Variants in CACNA1C observed in about 807,000 individuals in gnomAD.
CACNA1C encodes voltage-dependent L-type calcium channel subunit alpha-1C.
Under a neutral mutation model 229.0 loss-of-function variants are expected in CACNA1C, and 30 were observed. The ratio of observed to expected loss-of-function variants is 0.13; its 90% CI spans 0.10 to 0.18. The LOEUF is 0.18. Among genes scored for constraint, CACNA1C ranks in the 10% least tolerant of loss-of-function variants. The pLI, the probability that CACNA1C is intolerant of heterozygous loss-of-function variation, is 1.00. For synonymous variants in CACNA1C, 1,114 were observed against 1,132.5 expected (o/e 0.98, Z 0.33); for missense variants, 1,658 against 2,845.0 (o/e 0.58, Z 9.49).
chr12:2,097,378 C>A (rs112201667), intron 1 of CACNA1C, among the ~76,000 whole-genome samples: 3 of 152,012 alleles, frequency 2.0e-5, no homozygotes, highest in Admixed American at 6.6e-5. Flanking sequence ...GATCTCCTGA[C>A]CTTGTGATCC....
intron 3 of CACNA1C, among the ~76,000 whole-genome samples, chr12:2,440,461 G>A (rs993400428): frequency 3.9e-5 from 6 of 152,164 alleles, no homozygotes; most frequent in Non-Finnish European, 7.4e-5. Context: ...GGAATGTGTA[G>A]GCACCACATT....
chr12:2,277,354 G>GAC (rs2088947130), intron 3 of CACNA1C, among the ~76,000 whole-genome samples: 26 of 87,170 alleles, frequency 3.0e-4, no homozygotes, highest in Admixed American at 1.3e-3. Context: ...CAGACAGACA[G>GAC]ACAGACAGAC....
chr12:2,074,631 C>T (rs1046215369), intron 1 of CACNA1C, among the ~76,000 whole-genome samples: 2 of 152,144 alleles, frequency 1.3e-5, no homozygotes, highest in African/African-American at 2.4e-5. Flanking sequence ...CTGCCAGTGC[C>T]GTGACTCAAA....
intron 4 of CACNA1C, among the ~76,000 whole-genome samples, chr12:2,455,275 C>T (rs746393295): frequency 2.0e-5 from 3 of 152,194 alleles, no homozygotes; most frequent in Non-Finnish European, 4.4e-5. Context: ...TCCCAAAAGA[C>T]TTGTCTATAC....
chr12:2,218,359 T>C (rs144298986), intron 3 of CACNA1C, among the ~76,000 whole-genome samples: 1 of 152,222 alleles, frequency 6.6e-6, no homozygotes, highest in African/African-American at 2.4e-5. Flanking sequence ...TTGACTTTTC[T>C]TCAGGAAGAA....
intron 13 of CACNA1C, among the ~76,000 whole-genome samples, chr12:2,569,555 T>C (rs985526063): frequency 1.1e-4 from 17 of 152,194 alleles, no homozygotes; most frequent in Admixed American, 7.2e-4. Context: ...TAATATGTGT[T>C]TTTGTGATGG....
chr12:2,341,278 T>A (rs1470646854), intron 3 of CACNA1C, among the ~76,000 whole-genome samples: 2 of 152,188 alleles, frequency 1.3e-5, no homozygotes, highest in African/African-American at 4.8e-5. Flanking sequence ...TGGGATAGCG[T>A]GAGGATTAGA....
chr12:1,985,991 T>G (rs2037593925), intron 1 of CACNA1C, among the ~76,000 whole-genome samples: 1 of 152,080 alleles, frequency 6.6e-6, no homozygotes, highest in African/African-American at 2.4e-5. Context: ...TGTTTTGTAT[T>G]TTTAGTAGAG....
At chr12:2,257,204 A>G (rs1279257842) in intron 3 of CACNA1C, among the ~76,000 whole-genome samples, 4 of 152,110 alleles carry the variant, frequency 2.6e-5, no homozygotes, top group African/African-American at 9.7e-5. Flanking sequence ...TATCACTTTC[A>G]CTGACATTTC....
rs145737294 is a variant in CACNA1C, at chr12:2,585,940, T to C, written c.2530+36T>C. Reference sequence around the variant, plus strand: ...CACTGCCTAACCTGGGATTGGGAGATTGGGGGCAGAGATCTAAATTCTAAA... The same window carrying C: ...CACTGCCTAACCTGGGATTGGGAGACTGGGGGCAGAGATCTAAATTCTAAA... On this transcript the variant is annotated intron_variant, in intron 18 of 46. Coordinates refer to ENST00000399655, the MANE Select transcript of CACNA1C (RefSeq NM_000719.7). The surrounding 1 kb of genome is among the most constrained non-coding windows in gnomAD (Gnocchi z 4.1). The C allele has an allele frequency of 7.9e-5, 107 of 1,360,930 alleles. 1 individual carries two copies. In the African/African-American group the frequency reaches 1.2e-3, roughly 15 times the overall value. 84.3% of individuals were successfully genotyped at this position (1,360,930 alleles called of 1,614,324 possible).
At chr12:2,066,092 A>C (rs2059162780) in intron 1 of CACNA1C, among the ~76,000 whole-genome samples, 2 of 152,064 alleles carry the variant, frequency 1.3e-5, no homozygotes, top group South Asian at 4.1e-4. Context: ...CTGCAGGTAG[A>C]GGGGCAGTTC....
intron 3 of CACNA1C, among the ~76,000 whole-genome samples, chr12:2,398,222 C>G (rs2098620415): frequency 6.6e-6 from 1 of 152,268 alleles, no homozygotes; most frequent in Non-Finnish European, 1.5e-5. Flanking sequence ...TAGCCCAGCT[C>G]TGAAGGCCTC....
At position 2,678,315 on chromosome 12, in the gene CACNA1C, C is replaced by CCTAG. The variant is rs2096927444; in HGVS notation, c.5091+449_5091+452dup. 6.6e-6 allele frequency among the ~76,000 whole-genome samples: 1 copy of CCTAG among 152,164 alleles called. No homozygotes were observed. The highest frequency in any genetic ancestry group is 6.6e-5 in the Admixed American group (1 of 15,266). The stretch of plus-strand genomic sequence containing the variant: ...CCCACAGGGCAGCAGAGGGCCGGAG[C>CCTAG]CTAGAGGCGGTGGCCCTTTGAGATG... On this transcript the variant is annotated intron_variant, in intron 41 of 46. Coordinates refer to ENST00000399655, the MANE Select transcript of CACNA1C (RefSeq NM_000719.7). This position sits in a 1 kb window ranked among gnomAD's most constrained non-coding sequence, Gnocchi z 4.1.
intron 29 of CACNA1C, among the ~76,000 whole-genome samples, chr12:2,626,871 A>T (rs2086958611): frequency 6.6e-6 from 1 of 152,164 alleles, no homozygotes; most frequent in African/African-American, 2.4e-5. Context: ...GGCCTCTAGT[A>T]AGTGCTTATT....
chr12:2,002,882 C>T (rs1226544241), intron 1 of CACNA1C, among the ~76,000 whole-genome samples: 6 of 151,956 alleles, frequency 3.9e-5, no homozygotes, highest in Non-Finnish European at 1.5e-5. Flanking sequence ...TATGTAAAAA[C>T]GAAGGTGACA....
intron 1 of CACNA1C, among the ~76,000 whole-genome samples, chr12:1,987,564 G>C (rs564533716): frequency 6.6e-6 from 1 of 151,986 alleles, no homozygotes; most frequent in South Asian, 2.1e-4. Context: ...TTACATCTAC[G>C]ACAGTTCTTT....
intron 3 of CACNA1C, among the ~76,000 whole-genome samples, chr12:2,415,610 C>T (rs1040512123): frequency 6.6e-6 from 1 of 152,176 alleles, no homozygotes; most frequent in Admixed American, 6.5e-5. Context: ...CTGCCGCTCT[C>T]CTCTGAGTTG....
At chr12:2,457,389 C>T (rs2099439466) in intron 4 of CACNA1C, among the ~76,000 whole-genome samples, 178 bp from the exon 5 acceptor site, 1 of 152,230 alleles carries the variant, frequency 6.6e-6, no homozygotes, top group Non-Finnish European at 1.5e-5. Flanking sequence ...CCACCACCCA[C>T]ACTGAGGGGA....
At chr12:2,581,279 G>A (rs984786021) in intron 13 of CACNA1C, among the ~76,000 whole-genome samples, 1 of 152,178 alleles carries the variant, frequency 6.6e-6, no homozygotes, top group African/African-American at 2.4e-5. Flanking sequence ...TTTTGATGGG[G>A]ATGCAGAAGG....
Sources: gnomAD v4.1 joint callset for allele counts (sites outside exome capture counted in the v4.1 genomes callset) on GRCh38, gnomAD v4.1.1 for gene constraint, Gnocchi (gnomAD v3.1) non-coding constraint, MANE v1.5 for transcripts, NCBI Gene and HGNC (gene_info 2026-07-23, HGNC 2026-07-21) for gene names.